The following SREBF1 variants were observed in gnomAD, a reference collection of about 807,000 sequenced individuals.
SREBF1 encodes the protein sterol regulatory element binding transcription factor 1, also known as sterol regulatory element-binding protein 1.
A neutral mutation model predicts 100.1 loss-of-function variants in SREBF1; 45 were observed. That is an observed-to-expected ratio of 0.45 (90% CI 0.35 to 0.58). SREBF1 has a LOEUF of 0.58. Among genes scored for constraint, SREBF1 ranks in the 20% least tolerant of loss-of-function variants. The pLI is 0.00. For synonymous variants in SREBF1, 657 were observed against 681.8 expected (o/e 0.96, Z 0.57); for missense variants, 1,324 against 1,539.4 (o/e 0.86, Z 2.34).
chr17:17,823,523 A>G (rs1248958268), intron 1 of SREBF1: 1 of 1,612,748 alleles, frequency 6.2e-7, no homozygotes, highest in Admixed American at 1.7e-5. Context: ...AATACCTTCG[A>G]AAGTGCAATC....
chr17:17,815,452 C>G, intron 12 of SREBF1, 123 bp from the exon 13 acceptor site: 1 of 759,290 alleles, frequency 1.3e-6, no homozygotes, highest in South Asian at 1.6e-5. Context: ...CGGCATGCCC[C>G]TGGGTGCAGC....
Position 17,820,070 on chromosome 17 carries a change from C to G in SREBF1, c.523+20G>C, listed in dbSNP as rs766666530. On this transcript the variant is annotated intron_variant, in intron 2 of 18. Transcript: ENST00000261646. ...GAAGCCCCACCCCGGGTGTCCCCTC[C>G]CGCCACACATCCCCCTTACCTGTAG... is the stretch of plus-strand genomic sequence containing the variant. 14 of 1,603,338 alleles carry G rather than the reference C, an allele frequency of 8.7e-6. No individual in the cohort carries two copies. The highest frequency in any genetic ancestry group is 1.2e-5 in the Non-Finnish European group (14 of 1,174,968).
chr17:17,825,603 C>CTTTTTTT (rs60178339), intron 1 of SREBF1, among the ~76,000 whole-genome samples: 7 of 92,554 alleles, frequency 7.6e-5, no homozygotes, highest in Admixed American at 1.2e-4. Flanking sequence ...TGGCCAATTT[C>CTTTTTTT]TTTTTTTTTT....
chr17:17,826,304 G>T (rs2034487709), intron 1 of SREBF1, among the ~76,000 whole-genome samples: 1 of 150,706 alleles, frequency 6.6e-6, no homozygotes, highest in Admixed American at 6.6e-5. Context: ...TTTTTTAAGG[G>T]GAGTTAACGG....
chr17:17,811,650 T>C lies in SREBF1; in HGVS notation c.*972A>G. The C allele has an allele frequency of 2.2e-6, 1 of 446,584 alleles. No individual in the cohort carries two copies. The highest frequency in any genetic ancestry group is 4.5e-6 in the Non-Finnish European group (1 of 223,458). The allele number at this position is 446,584 out of a possible 1,614,324, so 27.7% of individuals were successfully genotyped here. On this transcript the variant is annotated 3_prime_UTR_variant, in exon 19 of 19. Coordinates refer to ENST00000261646, the MANE Select transcript of SREBF1 (RefSeq NM_004176.5). ...GGCAGGTCGGGAGGGAGGAGGCTTC[T>C]TTGCTGTGAGATGACCAGGGGCCGG...
intron 1 of SREBF1, among the ~76,000 whole-genome samples, chr17:17,830,397 C>T (rs1177817709): frequency 1.3e-5 from 2 of 152,230 alleles, no homozygotes; most frequent in Non-Finnish European, 2.9e-5. Flanking sequence ...ACTGCTTAAG[C>T]CTTCACTCAT....
intron 12 of SREBF1, 116 bp from the exon 13 acceptor site, chr17:17,815,445 C>T (rs1598114166): frequency 3.7e-6 from 3 of 819,488 alleles, no homozygotes; most frequent in Non-Finnish European, 6.1e-6. Flanking sequence ...GAAGTGCCGG[C>T]ATGCCCCTGG....
rs765046599 is a variant in SREBF1 at position 17,816,431 on chromosome 17, G to A, written c.2047+26C>T. On this transcript the variant is annotated intron_variant, in intron 10 of 18. Coordinates refer to ENST00000261646, the MANE Select transcript of SREBF1 (RefSeq NM_004176.5). The stretch of plus-strand genomic sequence containing the variant: ...GAGCACAGGCAGCAGGGAGCACCTC[G>A]GAGCCCGCCCCACGCTCAGTCCTAC... 8 of 1,603,218 alleles carry A rather than the reference G, an allele frequency of 5.0e-6. No individual in the cohort carries two copies. In the Admixed American group the frequency reaches 5.1e-5, roughly 10 times the overall value.
rs559924216 is a variant in SREBF1 at position 17,812,508 on chromosome 17, T to C, written c.*114A>G. ...CACACAGCAGCCGCAGGTCGAACTG[T>C]GGAGGCCAGAGTCTCTTGCACTGCC... On this transcript the variant is annotated 3_prime_UTR_variant, in exon 19 of 19. Transcript: ENST00000261646. The C allele has an allele frequency of 9.0e-7, 1 of 1,109,710 alleles. No homozygotes were observed. The highest frequency in any genetic ancestry group is 2.2e-5 in the Admixed American group (1 of 45,746). The allele number at this position is 1,109,710 out of a possible 1,614,324, so 68.7% of individuals were successfully genotyped here. A position where few individuals can be genotyped will look rare whatever the true frequency, so the allele number is the denominator to read the frequency against.
chr17:17,817,899 C>G lies in SREBF1; in HGVS notation c.1201G>C (p.Val401Leu). 1 of 1,601,352 alleles carries G rather than the reference C, an allele frequency of 6.2e-7. No individual in the cohort carries two copies. The highest frequency in any genetic ancestry group is 8.5e-7 in the Non-Finnish European group (1 of 1,179,952). ...VHKSKSLKDL[V>L]SACGSGGNTD... Reference sequence around the variant, plus strand: ...TTCCCTCCACTGCCACAGGCCGACACCAGATCCTTCAGAGATTCTGTGGGC... The same window carrying G: ...TTCCCTCCACTGCCACAGGCCGACAGCAGATCCTTCAGAGATTCTGTGGGC... The change falls in exon 7 of 19, where the codon GTG becomes CTG. Residue 401 changes from valine to leucine, a missense_variant. By Grantham distance (32) the Val-to-Leu change is conservative (BLOSUM62 1). Transcript: ENST00000261646. This position sits in a 1 kb window ranked among gnomAD's most constrained non-coding sequence, Gnocchi z 6.6.
chr17:17,825,904 C>G (rs1220084843), intron 1 of SREBF1, among the ~76,000 whole-genome samples: 3 of 152,200 alleles, frequency 2.0e-5, no homozygotes, highest in Non-Finnish European at 4.4e-5. Context: ...GCATGAGTCA[C>G]CGTGCCAATT....
At chr17:17,812,904 C>T in intron 18 of SREBF1, 53 bp from the exon 19 acceptor site, 1 of 1,423,510 alleles carries the variant, frequency 7.0e-7, no homozygotes, top group Non-Finnish European at 9.2e-7. Context: ...CACGCCCCCG[C>T]GGGAGCCCTG....
At chr17:17,836,253 G>A (rs976267878) in intron 1 of SREBF1, among the ~76,000 whole-genome samples, 1 of 152,278 alleles carries the variant, frequency 6.6e-6, no homozygotes, top group African/African-American at 2.4e-5. Flanking sequence ...GGGGAAGGGC[G>A]CGAGGCAGCG....
Position 17,817,085 on chromosome 17 carries a change from T to G in SREBF1, c.1658A>C (p.Asn553Thr). 1.2e-6 allele frequency: 2 copies of G among 1,612,984 alleles called. No individual in the cohort carries two copies. The highest frequency in any genetic ancestry group is 3.3e-5 in the Admixed American group (2 of 60,030). ...CAAGGAGACGAGCACCAACAGCCCA[T>G]TGAGCAGCCAGACCACTGGGGGCAG... The part of the protein sequence containing the change: ...WLLPPVVWLL[N>T]GLLVLVSLVL... The change falls in exon 9 of 19, where the codon AAT becomes ACT. Residue 553 changes from asparagine to threonine, a missense_variant. Coordinates refer to ENST00000261646, the MANE Select transcript of SREBF1 (RefSeq NM_004176.5). This position sits in a 1 kb window ranked among gnomAD's most constrained non-coding sequence, Gnocchi z 6.6.
chr17:17,812,890 T>C, intron 18 of SREBF1, 39 bp from the exon 19 acceptor site: 6 of 1,448,570 alleles, frequency 4.1e-6, no homozygotes, highest in Non-Finnish European at 5.4e-6. Context: ...GGTCTCAAGC[T>C]GGCCACGCCC....
intron 1 of SREBF1, among the ~76,000 whole-genome samples, chr17:17,830,652 G>C (rs796454539): frequency 4.6e-5 from 7 of 152,294 alleles, no homozygotes; most frequent in African/African-American, 1.7e-4. Context: ...GCTCAAACAG[G>C]GTTCGGGGTA....
chr17:17,823,659 C>CG (rs765380054), intron 1 of SREBF1: 15 of 1,220,424 alleles, frequency 1.2e-5, no homozygotes, highest in Non-Finnish European at 1.7e-5. Context: ...GGCGCGCCCG[C>CG]CCCGCCCCGC....
At chr17:17,825,902 C>A (rs73297855) in intron 1 of SREBF1, among the ~76,000 whole-genome samples, 3,137 of 152,288 alleles carry the variant, frequency 0.021, 123 homozygotes, top group African/African-American at 0.072. Context: ...AGGCATGAGT[C>A]ACCGTGCCAA....
chr17:17,812,614 C>G lies in SREBF1; in HGVS notation c.*8G>C, dbSNP rs1340935185. Reference sequence around the variant, plus strand: ...GAGACAGGGGTGCTGAGGCCGGGGACACGGGGTCTAGCTGGAAGTGACAGT... The same window carrying G: ...GAGACAGGGGTGCTGAGGCCGGGGAGACGGGGTCTAGCTGGAAGTGACAGT... On this transcript the variant is annotated 3_prime_UTR_variant, in exon 19 of 19. Coordinates refer to ENST00000261646, the MANE Select transcript of SREBF1 (RefSeq NM_004176.5). The G allele has an allele frequency of 1.3e-6, 2 of 1,594,684 alleles. No individual in the cohort carries two copies. The highest frequency in any genetic ancestry group is 2.7e-5 in the African/African-American group (2 of 74,576).
Sources: gnomAD v4.1 joint callset for allele counts (sites outside exome capture counted in the v4.1 genomes callset) on GRCh38, gnomAD v4.1.1 for gene constraint, Gnocchi (gnomAD v3.1) non-coding constraint, MANE v1.5 for transcripts, NCBI Gene and HGNC (gene_info 2026-07-23, HGNC 2026-07-21) for gene names.